PRTFDC1: variants seen among roughly 807,000 people sequenced by gnomAD.
PRTFDC1 encodes the protein phosphoribosyltransferase domain-containing protein 1.
Under a neutral mutation model 34.6 loss-of-function variants are expected in PRTFDC1, and 38 were observed. The ratio of observed to expected loss-of-function variants is 1.10; its 90% CI spans 0.85 to 1.44. PRTFDC1 has a LOEUF of 1.44. Ranked by LOEUF, PRTFDC1 falls within the 40% of genes most tolerant of loss-of-function variation. PRTFDC1 has a pLI of 0.00. For missense variants in PRTFDC1, 270 were observed against 283.0 expected, an observed-to-expected ratio of 0.95 and a Z score of 0.33; for synonymous variants, 93 against 98.1, an observed-to-expected ratio of 0.95 and a Z score of 0.31.
chr10:24,912,047 T>A (rs1045349328), intron 3 of PRTFDC1, among the ~76,000 whole-genome samples: 1 of 151,730 alleles, frequency 6.6e-6, no homozygotes, highest in Non-Finnish European at 1.5e-5. Context: ...GGCGGGTGGA[T>A]CACTTGAGGT....
At chr10:24,873,654 C>T (rs973527995) in intron 3 of PRTFDC1, among the ~76,000 whole-genome samples, 1 of 152,140 alleles carries the variant, frequency 6.6e-6, no homozygotes, top group Non-Finnish European at 1.5e-5. Flanking sequence ...GGGCCTGAAG[C>T]TATACCCAGT....
At chr10:24,928,092 C>T (rs1848908911) in intron 3 of PRTFDC1, among the ~76,000 whole-genome samples, 2 of 152,096 alleles carry the variant, frequency 1.3e-5, no homozygotes, top group African/African-American at 2.4e-5. Context: ...TAATTTAGAG[C>T]ATTTTTTCTT....
chr10:24,858,534 A>G (rs1214802575), intron 4 of PRTFDC1, 125 bp from the exon 5 acceptor site: 1 of 948,790 alleles, frequency 1.1e-6, no homozygotes, highest in Non-Finnish European at 1.6e-6. Context: ...CATCCATCTA[A>G]TTCAAAGGAC....
At position 24,913,320 on chromosome 10, in the gene PRTFDC1, G is replaced by A. The variant is rs145390107; in HGVS notation, c.339+23864C>T. On this transcript the variant is annotated intron_variant, in intron 3 of 8. Coordinates refer to ENST00000320152, the MANE Select transcript of PRTFDC1 (RefSeq NM_020200.7). Reference sequence around the variant, plus strand: ...AGGAATAACGTCAGGCAGTCTTGAGGTTCTTACTGTTCTTTTAGCTGACCC... The same window carrying A: ...AGGAATAACGTCAGGCAGTCTTGAGATTCTTACTGTTCTTTTAGCTGACCC... Among the ~76,000 whole-genome samples, 285 of 152,268 alleles carry A rather than the reference G, an allele frequency of 1.9e-3. 2 individuals carry two copies. The highest frequency in any genetic ancestry group is 6.7e-3 in the African/African-American group (278 of 41,552).
chr10:24,861,109 G>A (rs1847673165), intron 4 of PRTFDC1, among the ~76,000 whole-genome samples: 4 of 152,178 alleles, frequency 2.6e-5, no homozygotes. Context: ...TAAGTGGGAA[G>A]TAGGATTTGG....
Position 24,879,346 on chromosome 10 carries a change from A to ATT in PRTFDC1, c.340-7285_340-7284dup, listed in dbSNP as rs137986803. Reference sequence around the variant, plus strand: ...CTACCTGTCTCTGTTGTATTTGCTGATTTTTTTTTTTTTTGAGATGGGGTT... The same window carrying ATT: ...CTACCTGTCTCTGTTGTATTTGCTGATTTTTTTTTTTTTTTTGAGATGGGGTT... On this transcript the variant is annotated intron_variant, in intron 3 of 8. Coordinates refer to ENST00000320152, the MANE Select transcript of PRTFDC1 (RefSeq NM_020200.7). 1.7e-4 allele frequency among the ~76,000 whole-genome samples: 24 copies of ATT among 143,478 alleles called. No individual in the cohort carries two copies. The South Asian group carries it at 2.9e-3, about 17-fold the overall frequency. The allele number at this position is 143,478 out of a possible 152,430, so 94.1% of individuals were successfully genotyped here.
chr10:24,910,624 A>G (rs1848611449), intron 3 of PRTFDC1, among the ~76,000 whole-genome samples: 1 of 152,218 alleles, frequency 6.6e-6, no homozygotes, highest in Admixed American at 6.5e-5. Context: ...AATAAAACCC[A>G]GCATACAAAA....
chr10:24,854,694 T>C (rs186325448), intron 7 of PRTFDC1, among the ~76,000 whole-genome samples: 157 of 152,292 alleles, frequency 1.0e-3, no homozygotes, highest in Non-Finnish European at 1.8e-3. Flanking sequence ...GAGGAAGCCC[T>C]AGAGAACACA....
In PRTFDC1 at chr10:24,937,363, C is replaced by G. The variant is rs1383559410; in HGVS notation, c.160G>C (p.Glu54Gln). Reference sequence around the variant, plus strand: ...TTCATAATATCCTTGGCCAGCCGCTCAATTCTGAAAGAAGGATAAAAGATA... The same window carrying G: ...TTCATAATATCCTTGGCCAGCCGCTGAATTCTGAAAGAAGGATAAAAGATA... ...IPHGIIVDRI[E>Q]RLAKDIMKDI... The change falls in exon 3 of 9, where the codon GAG becomes CAG. Residue 54 changes from glutamate (E) to glutamine (Q), a missense_variant. Physicochemically the swap from Glu to Gln is conservative, Grantham distance 29. Coordinates refer to ENST00000320152, the MANE Select transcript of PRTFDC1 (RefSeq NM_020200.7). 2 of 1,605,648 alleles carry G rather than the reference C, an allele frequency of 1.2e-6. No homozygotes were observed. The highest frequency in any genetic ancestry group is 1.3e-5 in the African/African-American group (1 of 74,594).
chr10:24,883,118 A>G (rs921056069), intron 3 of PRTFDC1, among the ~76,000 whole-genome samples: 1 of 148,330 alleles, frequency 6.7e-6, no homozygotes, highest in Non-Finnish European at 1.5e-5. Flanking sequence ...TATTATAATT[A>G]TAAATAATAT....
At chr10:24,930,374 C>A (rs988815943) in intron 3 of PRTFDC1, among the ~76,000 whole-genome samples, 3 of 152,080 alleles carry the variant, frequency 2.0e-5, no homozygotes, top group African/African-American at 7.2e-5. Flanking sequence ...TGTTAATATT[C>A]ATTTTCTTAG....
At chr10:24,911,829 C>T (rs59837383) in intron 3 of PRTFDC1, among the ~76,000 whole-genome samples, 20,252 of 150,678 alleles carry the variant, frequency 0.13, 1,518 homozygotes, top group East Asian at 0.29. Context: ...ATCACGTCAC[C>T]GCACTCCAGC....
At chr10:24,943,260 T>C (rs1315790835) in intron 1 of PRTFDC1, among the ~76,000 whole-genome samples, 1 of 152,128 alleles carries the variant, frequency 6.6e-6, no homozygotes, top group Non-Finnish European at 1.5e-5. Flanking sequence ...CTAGTCACTA[T>C]AGTAAAGACT....
chr10:24,864,852 ACAC>A (rs2132502349), intron 4 of PRTFDC1, among the ~76,000 whole-genome samples: 1 of 152,280 alleles, frequency 6.6e-6, no homozygotes, highest in South Asian at 2.1e-4. Flanking sequence ...GCGATGGCTC[ACAC>A]CTGTAATCCC....
Position 24,849,051 on chromosome 10 carries a change from T to C in PRTFDC1, c.*793A>G, listed in dbSNP as rs1485066642. On this transcript the variant is annotated 3_prime_UTR_variant, in exon 9 of 9. Transcript: ENST00000320152. ...GAGCATTGAAAGCACTCGCCCCTAA[T>C]TCTGCCATTTGCTCATGTCCCACAT... is the stretch of plus-strand genomic sequence containing the variant. 6.6e-6 allele frequency: 1 copy of C among 152,234 alleles called. No homozygotes were observed. The highest frequency in any genetic ancestry group is 1.5e-5 in the Non-Finnish European group (1 of 68,038). 9.4% of individuals were successfully genotyped at this position (152,234 alleles called of 1,614,324 possible).
intron 2 of PRTFDC1, among the ~76,000 whole-genome samples, chr10:24,939,978 A>G (rs1849127604): frequency 1.3e-5 from 2 of 152,132 alleles, no homozygotes; most frequent in African/African-American, 4.8e-5. Flanking sequence ...AAAGAGCATC[A>G]TTACACAATA....
At chr10:24,858,250 C>T in intron 5 of PRTFDC1, 142 bp downstream of exon 5, 1 of 780,858 alleles carries the variant, frequency 1.3e-6, no homozygotes, top group Non-Finnish European at 2.1e-6. Flanking sequence ...CGCTATCTGG[C>T]CCCTATTCAT....
At chr10:24,945,023 G>A (rs274297) in intron 1 of PRTFDC1, among the ~76,000 whole-genome samples, 35,961 of 151,912 alleles carry the variant, frequency 0.24, 4,425 homozygotes, top group East Asian at 0.44. Context: ...TTGCACTGGC[G>A]CCTCCTCTTG....
At chr10:24,945,660 T>G (rs1849240463) in intron 1 of PRTFDC1, among the ~76,000 whole-genome samples, 1 of 152,210 alleles carries the variant, frequency 6.6e-6, no homozygotes, top group South Asian at 2.1e-4. Flanking sequence ...TCTGGCTATG[T>G]TGCCCAGGCT....
Sources: gnomAD v4.1 joint callset for allele counts (sites outside exome capture counted in the v4.1 genomes callset) on GRCh38, gnomAD v4.1.1 for gene constraint, MANE v1.5 for transcripts, NCBI Gene and HGNC (gene_info 2026-07-23, HGNC 2026-07-21) for gene names.